Variants in NPAS3 observed in about 807,000 individuals in gnomAD.
The protein encoded by NPAS3 is neuronal PAS domain-containing protein 3.
A neutral mutation model predicts 73.1 loss-of-function variants in NPAS3; 14 were observed. The observed-to-expected ratio is 0.19, with a 90% CI of 0.13 to 0.30. NPAS3 has a LOEUF of 0.30. NPAS3 is among the 10% of genes least tolerant of loss of function. The pLI is 1.00. For synonymous variants in NPAS3, 620 were observed against 541.5 expected (o/e 1.14, Z -2.01); for missense variants, 1,096 against 1,250.0 (o/e 0.88, Z 1.86).
At chr14:33,059,907 A>G (rs930543391) in intron 2 of NPAS3, among the ~76,000 whole-genome samples, 3 of 152,004 alleles carry the variant, frequency 2.0e-5, no homozygotes, top group African/African-American at 4.8e-5. Context: ...CAAGCTCCCA[A>G]GTAGCTAAGA....
intron 3 of NPAS3, among the ~76,000 whole-genome samples, chr14:33,346,149 C>T (rs916465064): frequency 9.3e-5 from 14 of 150,590 alleles, no homozygotes; most frequent in South Asian, 4.2e-4. Flanking sequence ...TGCTTGAACC[C>T]GGGAGGCAGA....
chr14:33,174,228 A>G (rs939403734), intron 2 of NPAS3, among the ~76,000 whole-genome samples: 1 of 152,228 alleles, frequency 6.6e-6, no homozygotes. Context: ...GACTTATCCT[A>G]TACACTGCAC....
At chr14:33,100,505 C>A (rs2042550461) in intron 2 of NPAS3, among the ~76,000 whole-genome samples, 1 of 152,236 alleles carries the variant, frequency 6.6e-6, no homozygotes, top group Non-Finnish European at 1.5e-5. Flanking sequence ...TTTGTAGCTA[C>A]ATTTATATTA....
intron 3 of NPAS3, among the ~76,000 whole-genome samples, chr14:33,360,173 A>C (rs1253395774): frequency 6.6e-6 from 1 of 152,212 alleles, no homozygotes; most frequent in Non-Finnish European, 1.5e-5. Flanking sequence ...GACTCAGTAC[A>C]TATTTGCCAC....
intron 2 of NPAS3, among the ~76,000 whole-genome samples, chr14:33,130,533 AATG>A (rs2043597604): frequency 6.6e-6 from 1 of 152,208 alleles, no homozygotes; most frequent in South Asian, 2.1e-4. Context: ...CTTTGAAATC[AATG>A]ATACTTTATG....
At chr14:33,423,269 G>A (rs1488614283) in intron 4 of NPAS3, among the ~76,000 whole-genome samples, 2 of 151,944 alleles carry the variant, frequency 1.3e-5, no homozygotes, top group East Asian at 1.9e-4. Context: ...GATTCTCCCT[G>A]CTGACAGTAG....
Position 33,453,009 on chromosome 14 carries a change from T to G in NPAS3, c.468+85741T>G, listed in dbSNP as rs188985893. On this transcript the variant is annotated intron_variant, in intron 4 of 11. Transcript: ENST00000356141. The stretch of plus-strand genomic sequence containing the variant: ...AATGGCTTTTTCCCTTGCTGGGAGA[T>G]AGCAACTAAATGACATGATCGTAGG... 7.9e-5 allele frequency among the ~76,000 whole-genome samples: 12 copies of G among 152,212 alleles called. No homozygotes were observed. In the East Asian group the frequency reaches 2.1e-3, roughly 27 times the overall value.
At chr14:33,485,133 G>A (rs2051521298) in intron 4 of NPAS3, among the ~76,000 whole-genome samples, 1 of 152,130 alleles carries the variant, frequency 6.6e-6, no homozygotes, top group South Asian at 2.1e-4. Context: ...GCTTTCTCAT[G>A]TATAGACGGT....
intron 3 of NPAS3, among the ~76,000 whole-genome samples, chr14:33,291,025 G>T (rs1403100798): frequency 3.3e-5 from 5 of 152,104 alleles, no homozygotes; most frequent in African/African-American, 1.2e-4. Flanking sequence ...GTATCTAGCT[G>T]TACCTCTCGG....
chr14:33,606,943 T>A (rs1371957234), intron 5 of NPAS3, among the ~76,000 whole-genome samples: 1 of 152,156 alleles, frequency 6.6e-6, no homozygotes, highest in African/African-American at 2.4e-5. Flanking sequence ...CCAACAAAGA[T>A]ATACAGTAAG....
chr14:33,367,350 T>C, intron 4 of NPAS3, 82 bp downstream of exon 4: 1 of 661,306 alleles, frequency 1.5e-6, no homozygotes, highest in Non-Finnish European at 2.6e-6. Flanking sequence ...AAGAATTTTT[T>C]TTAAATGTCA....
intron 2 of NPAS3, among the ~76,000 whole-genome samples, chr14:33,190,684 A>T (rs1411269699): frequency 3.3e-5 from 5 of 152,178 alleles, no homozygotes; most frequent in African/African-American, 1.2e-4. Flanking sequence ...ATACCAGAAG[A>T]CACATCTGTG....
chr14:33,475,090 T>C (rs2050958631), intron 4 of NPAS3, among the ~76,000 whole-genome samples: 1 of 152,138 alleles, frequency 6.6e-6, no homozygotes, highest in Non-Finnish European at 1.5e-5. Flanking sequence ...TTAATGAATT[T>C]TTTTCAAGCC....
chr14:33,705,622 T>C (rs1432730812), intron 6 of NPAS3, among the ~76,000 whole-genome samples: 1 of 152,196 alleles, frequency 6.6e-6, no homozygotes, highest in Admixed American at 6.5e-5. Context: ...AAAAAAAGAA[T>C]TGGAAGTTCG....
intron 2 of NPAS3, among the ~76,000 whole-genome samples, chr14:33,145,853 C>A (rs1037106869): frequency 1.3e-5 from 2 of 152,098 alleles, no homozygotes; most frequent in Non-Finnish European, 2.9e-5. Context: ...CAAGGGTTTC[C>A]ATGGAACTGG....
chr14:33,597,310 G>A (rs2057272806), intron 5 of NPAS3, among the ~76,000 whole-genome samples: 1 of 152,192 alleles, frequency 6.6e-6, no homozygotes, highest in African/African-American at 2.4e-5. Context: ...TTTGACTCCT[G>A]TAAGCCAGTA....
chr14:33,013,452 C>A (rs974133517), intron 1 of NPAS3, among the ~76,000 whole-genome samples: 1 of 151,988 alleles, frequency 6.6e-6, no homozygotes, highest in Non-Finnish European at 1.5e-5. Context: ...TTTACTATCT[C>A]CCTTTTTTGA....
At chr14:33,556,778 T>C (rs909493379) in intron 4 of NPAS3, among the ~76,000 whole-genome samples, 2 of 152,164 alleles carry the variant, frequency 1.3e-5, no homozygotes, top group Non-Finnish European at 2.9e-5. Context: ...AAAATGAAGG[T>C]TTAGAACTAT....
chr14:33,677,357 A>G (rs1412504816), intron 6 of NPAS3, among the ~76,000 whole-genome samples: 1 of 152,188 alleles, frequency 6.6e-6, no homozygotes, highest in East Asian at 1.9e-4. Context: ...GAGAAGTTTA[A>G]GATTTTTTGA....
Sources: allele counts gnomAD v4.1 joint callset (sites outside exome capture counted in the v4.1 genomes callset), GRCh38; gene constraint gnomAD v4.1.1; transcripts MANE v1.5; gene names NCBI Gene and HGNC (gene_info 2026-07-23, HGNC 2026-07-21).